MAGI2: variants seen among roughly 807,000 people sequenced by gnomAD.
MAGI2 encodes the protein membrane-associated guanylate kinase, WW and PDZ domain-containing protein 2.
MAGI2 carries 35 observed loss-of-function variants against 133.3 expected under a neutral mutation model. The ratio of observed to expected loss-of-function variants is 0.26; its 90% confidence interval spans 0.20 to 0.35. The LOEUF is 0.35. MAGI2 is among the 10% of genes least tolerant of loss of function. MAGI2 has a pLI of 1.00. For missense variants in MAGI2, 1,636 were observed against 1,863.4 expected (o/e 0.88, Z 2.25); for synonymous variants, 729 against 710.6 (o/e 1.03, Z -0.41).
rs935807206 is a variant in MAGI2, at chr7:78,019,593, C to T, written c.4090G>A (p.Gly1364Ser). The T allele has an allele frequency of 2.0e-6, 2 of 980,850 alleles. No homozygotes were observed. Among genetic ancestry groups the T allele is most frequent in the Non-Finnish European group, 2.4e-6 (2 of 828,492 alleles). The allele number at this position is 980,850 out of a possible 1,614,324, so 60.8% of individuals were successfully genotyped here. The part of the protein sequence containing the change: ...AADAADAARA[G>S]GKEAPRAAAG... The stretch of plus-strand genomic sequence containing the variant: ...GCCGCACGGGGCGCCTCCTTCCCGC[C>T]CGCCCGCGCCGCGTCCGCCGCGTCT... The change falls in exon 22 of 22, where the codon GGC (glycine) becomes AGC (serine). Residue 1364 changes from glycine to serine, a missense_variant. By Grantham distance (56) the Gly-to-Ser change is moderately conservative (BLOSUM62 0). This residue lies in a region of MAGI2 where 354 missense variants were observed against 298.7 expected (regional missense o/e 1.19). Transcript: ENST00000354212.
intron 2 of MAGI2, among the ~76,000 whole-genome samples, chr7:78,845,906 T>G (rs1487469590): frequency 6.6e-6 from 1 of 151,620 alleles, no homozygotes; most frequent in African/African-American, 2.4e-5. Context: ...TAGGGCAACG[T>G]GAAAAAGGAG....
At chr7:78,156,709 A>C (rs1406300691) in intron 16 of MAGI2, among the ~76,000 whole-genome samples, 1 of 151,932 alleles carries the variant, frequency 6.6e-6, no homozygotes. Context: ...TGATTGTAGC[A>C]CCTGGGCTGT....
intron 1 of MAGI2, among the ~76,000 whole-genome samples, chr7:79,137,585 T>C (rs1174096742): frequency 6.6e-6 from 1 of 151,794 alleles, no homozygotes; most frequent in Non-Finnish European, 1.5e-5. Flanking sequence ...CCCGTGCAGC[T>C]GGGATTACAG....
At chr7:78,813,339 T>G (rs2151413082) in intron 2 of MAGI2, among the ~76,000 whole-genome samples, 1 of 152,338 alleles carries the variant, frequency 6.6e-6, no homozygotes, top group South Asian at 2.1e-4. Context: ...AAGAATATTC[T>G]ACTGCAATCA....
At chr7:78,490,267 A>G (rs1024772250) in intron 5 of MAGI2, among the ~76,000 whole-genome samples, 1 of 152,080 alleles carries the variant, frequency 6.6e-6, no homozygotes, top group Non-Finnish European at 1.5e-5. Context: ...CTCTTTAGCT[A>G]CAGAGCTGGC....
intron 1 of MAGI2, among the ~76,000 whole-genome samples, chr7:79,162,788 C>T (rs967698157): frequency 6.6e-6 from 1 of 152,142 alleles, no homozygotes; most frequent in South Asian, 2.1e-4. Flanking sequence ...TTTTCTATAG[C>T]TAATTGCTGT....
intron 8 of MAGI2, among the ~76,000 whole-genome samples, chr7:78,344,381 G>A (rs531451480): frequency 6.6e-6 from 1 of 152,218 alleles, no homozygotes; most frequent in East Asian, 1.9e-4. Context: ...GTCAGTGGCC[G>A]ATCCTAAACT....
At chr7:79,153,191 A>G (rs939422119) in intron 1 of MAGI2, among the ~76,000 whole-genome samples, 33 of 152,150 alleles carry the variant, frequency 2.2e-4, no homozygotes. Context: ...TTCAATTTTG[A>G]TATGATTAAA....
chr7:79,035,702 T>C (rs367572299), intron 1 of MAGI2, among the ~76,000 whole-genome samples: 11 of 152,202 alleles, frequency 7.2e-5, no homozygotes, highest in African/African-American at 2.7e-4. Context: ...TCTTTATTAG[T>C]AAACCTATTA....
chr7:78,421,231 A>G (rs531714444), intron 6 of MAGI2, among the ~76,000 whole-genome samples: 9 of 152,206 alleles, frequency 5.9e-5, no homozygotes, highest in Non-Finnish European at 1.3e-4. Flanking sequence ...TGGCATAAAA[A>G]GATGAAAAGA....
At chr7:78,750,113 T>C (rs368833012) in intron 2 of MAGI2, among the ~76,000 whole-genome samples, 5 of 152,216 alleles carry the variant, frequency 3.3e-5, no homozygotes, top group Admixed American at 1.3e-4. Flanking sequence ...CTCCCACTTA[T>C]GAATGAGAAT....
At chr7:79,332,283 C>T (rs1032429794) in intron 1 of MAGI2, among the ~76,000 whole-genome samples, 2 of 152,196 alleles carry the variant, frequency 1.3e-5, no homozygotes, top group African/African-American at 4.8e-5. Context: ...AATTCAGATG[C>T]AATTGGTCAC....
At chr7:78,426,245 T>C (rs191844212) in intron 6 of MAGI2, among the ~76,000 whole-genome samples, 141 of 152,294 alleles carry the variant, frequency 9.3e-4, no homozygotes, top group Middle Eastern at 6.8e-3. Context: ...AATGAATGTA[T>C]AGACAAATCA....
intron 1 of MAGI2, among the ~76,000 whole-genome samples, chr7:79,374,479 C>G (rs961343608): frequency 5.3e-5 from 8 of 151,920 alleles, no homozygotes; most frequent in African/African-American, 1.7e-4. Context: ...CATGGCCCCG[C>G]CAACACCTTG....
chr7:79,154,315 T>C (rs971734259), intron 1 of MAGI2, among the ~76,000 whole-genome samples: 1 of 152,188 alleles, frequency 6.6e-6, no homozygotes, highest in Non-Finnish European at 1.5e-5. Context: ...AAACCTAAAA[T>C]ACCAACTTTG....
At chr7:79,213,416 T>C (rs118175709) in intron 1 of MAGI2, among the ~76,000 whole-genome samples, 4,111 of 152,038 alleles carry the variant, frequency 0.027, 84 homozygotes, top group Non-Finnish European at 0.043. Flanking sequence ...ACCCCTGGGC[T>C]CAAGCAATTC....
chr7:78,661,974 A>G (rs1813008349), intron 2 of MAGI2, among the ~76,000 whole-genome samples: 1 of 152,218 alleles, frequency 6.6e-6, no homozygotes, highest in African/African-American at 2.4e-5. Flanking sequence ...CAAGGCTACC[A>G]GCTTGGAGTA....
chr7:78,244,476 G>C (rs1425325293), intron 10 of MAGI2, among the ~76,000 whole-genome samples: 1 of 151,970 alleles, frequency 6.6e-6, no homozygotes, highest in East Asian at 1.9e-4. Flanking sequence ...ACCAGAACTA[G>C]ATAATTGCAA....
intron 3 of MAGI2, among the ~76,000 whole-genome samples, chr7:78,605,804 G>T (rs1175932016): frequency 6.6e-6 from 1 of 152,188 alleles, no homozygotes; most frequent in African/African-American, 2.4e-5. Context: ...GGTTTTCAGT[G>T]GGGCGTGGGG....
Sources: allele counts gnomAD v4.1 joint callset (sites outside exome capture counted in the v4.1 genomes callset), GRCh38; gene constraint gnomAD v4.1.1; regional missense constraint gnomAD v4.1.1; transcripts MANE v1.5; gene names NCBI Gene and HGNC (gene_info 2026-07-23, HGNC 2026-07-21).